Variants in USH2A observed in about 807,000 individuals in gnomAD.
The protein encoded by USH2A is usherin.
USH2A carries 443 observed loss-of-function variants against 538.9 expected under a neutral mutation model. The observed-to-expected ratio is 0.82, with a 90% CI of 0.76 to 0.89. The LOEUF (loss-of-function observed/expected upper bound fraction) is 0.89, where lower values mean the gene tolerates loss of function less well. Ranked by LOEUF, USH2A falls within the 40% of genes least tolerant of loss-of-function variation. The probability of loss-of-function intolerance (pLI) is 0.00; values close to 1 mark genes in which losing one functional copy is unlikely to be tolerated. For missense variants in USH2A, 6,633 were observed against 6,324.8 expected, an observed-to-expected ratio of 1.05 and a Z score of -1.65; for synonymous variants, 2,413 against 2,273.5, an observed-to-expected ratio of 1.06 and a Z score of -1.75.
At chr1:215,779,773 G>T (rs562494030) in intron 55 of USH2A, 70 bp downstream of exon 55, 1 of 1,572,324 alleles carries the variant, frequency 6.4e-7, no homozygotes, top group African/African-American at 1.3e-5. Context: ...CACACCCCTG[G>T]GATGCTTTGC....
At chr1:215,676,182 T>C (rs1057334638) in intron 62 of USH2A, among the ~76,000 whole-genome samples, 3 of 152,060 alleles carry the variant, frequency 2.0e-5, no homozygotes, top group African/African-American at 7.2e-5. Context: ...TATATATACA[T>C]GTACATATAT....
At chr1:215,664,494 G>A (rs913760662) in intron 64 of USH2A, among the ~76,000 whole-genome samples, 2 of 151,884 alleles carry the variant, frequency 1.3e-5, no homozygotes, top group African/African-American at 4.8e-5. Flanking sequence ...TATTTTGTAG[G>A]GTTTTACAAA....
intron 38 of USH2A, among the ~76,000 whole-genome samples, chr1:215,917,244 G>A (rs1380370071): frequency 3.3e-5 from 5 of 151,836 alleles, no homozygotes; most frequent in Non-Finnish European, 7.4e-5. Context: ...TTCGACATTT[G>A]AATTCGTCTT....
intron 30 of USH2A, among the ~76,000 whole-genome samples, chr1:216,060,036 A>AT (rs2031120531): frequency 6.6e-6 from 1 of 152,114 alleles, no homozygotes. Context: ...TTGCCTTGGC[A>AT]TTTTTCTGGC....
chr1:216,168,019 C>T (rs1486738476), intron 21 of USH2A, among the ~76,000 whole-genome samples: 10 of 152,086 alleles, frequency 6.6e-5, no homozygotes, highest in Admixed American at 6.6e-4. Flanking sequence ...TTCAAGAGTG[C>T]TGTAACTGGT....
chr1:216,053,360 G>T (rs1246700953), intron 30 of USH2A, among the ~76,000 whole-genome samples: 1 of 151,990 alleles, frequency 6.6e-6, no homozygotes, highest in African/African-American at 2.4e-5. Context: ...GTGACACTTG[G>T]GGTTTTTATA....
intron 61 of USH2A, among the ~76,000 whole-genome samples, chr1:215,697,267 A>G (rs1045729962): frequency 3.3e-5 from 5 of 151,748 alleles, no homozygotes; most frequent in Non-Finnish European, 7.4e-5. Flanking sequence ...CCTGCCCCCT[A>G]TTTTTGATAT....
At chr1:215,651,733 ATGAG>A (rs1657087338) in intron 64 of USH2A, among the ~76,000 whole-genome samples, 2 of 151,834 alleles carry the variant, frequency 1.3e-5, no homozygotes, top group Non-Finnish European at 2.9e-5. Context: ...GAAAAAACCT[ATGAG>A]AATATTTTGC....
chr1:216,241,245 T>C (rs700018), intron 13 of USH2A, among the ~76,000 whole-genome samples: 3,246 of 152,240 alleles, frequency 0.021, 103 homozygotes, highest in African/African-American at 0.073. Context: ...GTGAAATATA[T>C]GTAAAACCCA....
chr1:215,828,475 T>G (rs4607850), intron 47 of USH2A, among the ~76,000 whole-genome samples: 74,577 of 151,936 alleles, frequency 0.49, 18,484 homozygotes, highest in Admixed American at 0.63. Context: ...AATATATAGA[T>G]ATTCATTAAT....
In USH2A at chr1:216,422,051, T is replaced by G. The variant is rs557642490; in HGVS notation, c.286A>C (p.Thr96Pro). The G allele has an allele frequency of 6.2e-7, 1 of 1,613,652 alleles. No individual in the cohort carries two copies. The highest frequency in any genetic ancestry group is 8.5e-7 in the Non-Finnish European group (1 of 1,179,894). ...QDCPYRSSHP[T>P]YTALFSAGLS... ...CCTGCTGAGAAAAGGGCAGTGTAGG[T>G]AGGGTGTGAAGATCTGTATGGGCAA... Residue 96 changes from threonine (T) to proline (P), a missense_variant, in exon 2 of 72, where the codon ACC (threonine) becomes CCC (proline). Transcript: ENST00000307340.
chr1:216,133,027 G>A (rs751852856), intron 21 of USH2A, among the ~76,000 whole-genome samples: 7 of 152,086 alleles, frequency 4.6e-5, no homozygotes, highest in Non-Finnish European at 1.0e-4. Context: ...TGAGTGCAAT[G>A]TTAAAATAAG....
intron 21 of USH2A, among the ~76,000 whole-genome samples, chr1:216,130,679 AT>A (rs2033356887): frequency 6.7e-6 from 1 of 149,098 alleles, no homozygotes. Context: ...TATCACGTAT[AT>A]ATATATACAG....
rs762342163 is a variant in USH2A at position 215,786,692 on chromosome 1, A to C, written c.10365T>G (p.Ser3455Arg). The C allele has an allele frequency of 6.2e-7, 1 of 1,613,862 alleles. No individual in the cohort carries two copies. The highest frequency in any genetic ancestry group is 1.7e-5 in the Admixed American group (1 of 59,990). ...TACCTGTGTAAGAGTACGTGTTTAC[A>C]CTCCCTGTATGAATGGTTTCTTCGG... is the stretch of plus-strand genomic sequence containing the variant. The part of the protein sequence containing the change: ...SSAEETIHTG[S>R]VNTYSYTDVN... Residue 3455 changes from serine (S) to arginine (R), a missense_variant, in exon 52 of 72, where the codon AGT becomes AGG. Transcript: ENST00000307340.
Position 215,743,414 on chromosome 1 carries a change from G to GTCTATATA in USH2A, c.11390-80_11390-79insTATATAGA, listed in dbSNP as rs1416125197. On this transcript the variant is annotated intron_variant, in intron 58 of 71. Transcript: ENST00000307340. Reference sequence around the variant, plus strand: ...TGTGTGTGTGTGTGTGTGTGTGTGTGTGTATATATATATAGACACACATAT... The same window carrying GTCTATATA: ...TGTGTGTGTGTGTGTGTGTGTGTGTGTCTATATATGTATATATATATAGACACACATAT... 2.2e-4 allele frequency: 86 copies of GTCTATATA among 393,124 alleles called. 4 individuals carry two copies. The highest frequency in any genetic ancestry group is 3.0e-4 in the Non-Finnish European group (74 of 248,218). The allele number at this position is 393,124 out of a possible 1,614,324, so 24.4% of individuals were successfully genotyped here.
chr1:216,078,234 G>A lies in USH2A; in HGVS notation c.5427C>T (p.Gly1809=), dbSNP rs1444069534. Residue 1809 remains glycine (G), a synonymous_variant, in exon 27 of 72, where the codon GGC becomes GGT. Transcript: ENST00000307340. The stretch of plus-strand genomic sequence containing the variant: ...CATTCACACTTGCTGATATGAAAGA[G>A]CCTTCCTTTTTAATAATGACTTTAT... ...KWNKVIIKKE[G]SFISASVNGL... 6.2e-7 allele frequency: 1 copy of A among 1,613,718 alleles called. No homozygotes were observed. Among genetic ancestry groups the A allele is most frequent in the Non-Finnish European group, 8.5e-7 (1 of 1,179,822 alleles).
At chr1:215,777,478 A>T (rs1456811274) in intron 55 of USH2A, among the ~76,000 whole-genome samples, 3 of 152,248 alleles carry the variant, frequency 2.0e-5, no homozygotes, top group East Asian at 1.9e-4. Context: ...CTTTAGCCTT[A>T]TATCACAATT....
intron 15 of USH2A, among the ~76,000 whole-genome samples, chr1:216,208,624 G>A (rs1201484292): frequency 6.6e-6 from 1 of 152,090 alleles, no homozygotes; most frequent in Admixed American, 6.6e-5. Flanking sequence ...ATTTATGTCA[G>A]GGTTTCTCAA....
chr1:215,903,339 G>A (rs1386922646), intron 38 of USH2A, among the ~76,000 whole-genome samples: 1 of 152,088 alleles, frequency 6.6e-6, no homozygotes, highest in African/African-American at 2.4e-5. Context: ...CAGATACAGT[G>A]AGCTTAGACA....
Sources: allele counts gnomAD v4.1 joint callset (sites outside exome capture counted in the v4.1 genomes callset), GRCh38; gene constraint gnomAD v4.1.1; transcripts MANE v1.5; gene names NCBI Gene and HGNC (gene_info 2026-07-23, HGNC 2026-07-21).